Variants in N4BP2 observed in about 807,000 individuals in gnomAD.
The protein encoded by N4BP2 is NEDD4 binding protein 2.
A neutral mutation model predicts 152.8 loss-of-function variants in N4BP2; 91 were observed. That is an observed-to-expected ratio of 0.60 (90% CI 0.50 to 0.71). The LOEUF (loss-of-function observed/expected upper bound fraction) is 0.71. Among genes scored for constraint, N4BP2 ranks in the 30% least tolerant of loss-of-function variants. N4BP2 has a pLI of 0.00. For missense variants in N4BP2, 1,923 were observed against 2,059.1 expected, an observed-to-expected ratio of 0.93 and a Z score of 1.28; for synonymous variants, 646 against 705.3, an observed-to-expected ratio of 0.92 and a Z score of 1.33.
At chr4:40,122,373 T>A in intron 9 of N4BP2, 64 bp downstream of exon 9, 1 of 1,195,716 alleles carries the variant, frequency 8.4e-7, no homozygotes, top group Non-Finnish European at 1.1e-6. Context: ...GGGTTCTATT[T>A]TGTATTTTTT....
chr4:40,068,303 C>T (rs776565868), intron 1 of N4BP2, among the ~76,000 whole-genome samples: 3 of 152,144 alleles, frequency 2.0e-5, no homozygotes, highest in African/African-American at 7.2e-5. Context: ...TCCTTTGTGA[C>T]ACAGAATTCT....
At chr4:40,166,587 G>T in the N4BP2 span, 1 of 152,080 alleles carries the variant, frequency 6.6e-6, no homozygotes, top group Admixed American at 6.6e-5. Context: ...TACTTGGGAG[G>T]TTGAGGCAGG....
Position 40,122,183 on chromosome 4 carries a change from A to G in N4BP2, c.4072A>G (p.Thr1358Ala). 1 of 1,613,806 alleles carries G rather than the reference A, an allele frequency of 6.2e-7. No individual in the cohort carries two copies. Among genetic ancestry groups the G allele is most frequent in the Non-Finnish European group, 8.5e-7 (1 of 1,179,786 alleles). The stretch of plus-strand genomic sequence containing the variant: ...AGCTGGAGTTAGTGGGGAAGATAAA[A>G]CCGAGATATTGAATCCCACTCCAGC... Reference protein sequence around the residue: ...LSAGVSGEDKTEILNPTPAMA... With the variant: ...LSAGVSGEDKAEILNPTPAMA... The change falls in exon 9 of 18, where the codon ACC becomes GCC. Residue 1358 changes from threonine (T) to alanine (A), a missense_variant. Physicochemically the swap from Thr to Ala is moderately conservative, Grantham distance 58. Transcript: ENST00000261435.
Position 40,102,812 on chromosome 4 carries a change from G to T in N4BP2, c.967G>T (p.Gly323Trp), listed in dbSNP as rs1715820889. 1 of 1,614,128 alleles carries T rather than the reference G, an allele frequency of 6.2e-7. No homozygotes were observed. The highest frequency in any genetic ancestry group is 2.2e-5 in the East Asian group (1 of 44,890). The change falls in exon 4 of 18, where the codon GGG becomes TGG. Residue 323 changes from glycine (G) to tryptophan (W), a missense_variant. By Grantham distance (184) the Gly-to-Trp change is radical (BLOSUM62 -2). Coordinates refer to ENST00000261435, the MANE Select transcript of N4BP2 (RefSeq NM_018177.6). ...CTCTGATGTGTTTCTACCTTCCGAA[G>T]GGTTCAACTTCAAGCCACACAAACA... is the stretch of plus-strand genomic sequence containing the variant. ...RVSDVFLPSE[G>W]FNFKPHKHPE...
intron 2 of N4BP2, among the ~76,000 whole-genome samples, chr4:40,079,691 G>A (rs1219660104): frequency 1.3e-5 from 2 of 152,084 alleles, no homozygotes; most frequent in Non-Finnish European, 2.9e-5. Context: ...AGCCCTTGCT[G>A]CTTGGGAGGT....
At chr4:40,171,485 G>A in the N4BP2 span, among the ~76,000 whole-genome samples, 1 of 152,148 alleles carries the variant, frequency 6.6e-6, no homozygotes, top group Non-Finnish European at 1.5e-5. Flanking sequence ...CATCCCCTGT[G>A]ATGTGGCTGG....
At chr4:40,140,499 AAG>A (rs1456552816) in intron 14 of N4BP2, among the ~76,000 whole-genome samples, 25 of 152,324 alleles carry the variant, frequency 1.6e-4, no homozygotes, top group African/African-American at 5.8e-4. Context: ...TATAATCAGA[AAG>A]AGAGTTTTTG....
Position 40,138,159 on chromosome 4 carries a change from G to GC in N4BP2, c.4785+1077_4785+1078insC, listed in dbSNP as rs1277850723. Among the ~76,000 whole-genome samples, 13 of 152,162 alleles carry GC rather than the reference G, an allele frequency of 8.5e-5. No homozygotes were observed. In the East Asian group the frequency reaches 2.3e-3, roughly 27 times the overall value. On this transcript the variant is annotated intron_variant, in intron 14 of 17. Coordinates refer to ENST00000261435, the MANE Select transcript of N4BP2 (RefSeq NM_018177.6). The stretch of plus-strand genomic sequence containing the variant: ...TAATACAGAAATGGTGTCTTATTGT[G>GC]GTTTTGATTTGCATTTCCTTGATGA...
downstream of N4BP2, among the ~76,000 whole-genome samples, chr4:40,159,478 AT>A (rs1415189813): frequency 6.6e-6 from 1 of 152,120 alleles, no homozygotes; most frequent in Admixed American, 6.6e-5. Flanking sequence ...AATGGCCCTC[AT>A]TTTCCTAGGC....
chr4:40,138,259 T>G (rs1719588360), intron 14 of N4BP2, among the ~76,000 whole-genome samples: 1 of 152,228 alleles, frequency 6.6e-6, no homozygotes, highest in Non-Finnish European at 1.5e-5. Flanking sequence ...TTCATATCCT[T>G]TGTCTATTTT....
In N4BP2 at chr4:40,117,926, A is replaced by G; in HGVS notation, c.1722A>G (p.Gln574=). 6.2e-7 allele frequency: 1 copy of G among 1,612,904 alleles called. No individual in the cohort carries two copies. The highest frequency in any genetic ancestry group is 8.5e-7 in the Non-Finnish European group (1 of 1,179,438). ...TAACAAGAATGTTGGAACATTATCA[A>G]CGTTTTGTTTCAGTGCCAATAATTA... ...EKITRMLEHY[Q]RFVSVPIIMS... The change falls in exon 8 of 18, where the codon CAA becomes CAG. Residue 574 remains glutamine, a synonymous_variant. Coordinates refer to ENST00000261435, the MANE Select transcript of N4BP2 (RefSeq NM_018177.6).
At chr4:40,068,552 A>G (rs1304471856) in intron 1 of N4BP2, among the ~76,000 whole-genome samples, 1 of 152,082 alleles carries the variant, frequency 6.6e-6, no homozygotes, top group Non-Finnish European at 1.5e-5. Flanking sequence ...TTTTTCCTAT[A>G]TCATTTGTTG....
Position 40,121,254 on chromosome 4 carries a change from G to T in N4BP2, c.3143G>T (p.Gly1048Val), listed in dbSNP as rs746046604. The part of the protein sequence containing the change: ...SIKVLTGRLD[G>V]FKPKVFNINT... ...AAAGTATTAACAGGAAGATTAGATG[G>T]ATTTAAGCCGAAAGTTTTCAATATT... Residue 1048 changes from glycine (G) to valine (V), a missense_variant, in exon 9 of 18, where the codon GGA becomes GTA. Coordinates refer to ENST00000261435, the MANE Select transcript of N4BP2 (RefSeq NM_018177.6). 6.2e-7 allele frequency: 1 copy of T among 1,613,388 alleles called. No individual in the cohort carries two copies. The highest frequency in any genetic ancestry group is 8.5e-7 in the Non-Finnish European group (1 of 1,179,824).
intron 2 of N4BP2, among the ~76,000 whole-genome samples, chr4:40,092,008 TTA>T (rs1221314746): frequency 0.14 from 3,883 of 27,158 alleles, 454 homozygotes; most frequent in Non-Finnish European, 0.17. Flanking sequence ...AAAAAAAAAA[TTA>T]TATATATATA....
intron 15 of N4BP2, among the ~76,000 whole-genome samples, chr4:40,143,608 T>C (rs1029941259): frequency 6.6e-6 from 1 of 152,202 alleles, no homozygotes; most frequent in Non-Finnish European, 1.5e-5. Flanking sequence ...GCCAGGAATC[T>C]GCTTAACTTT....
intron 15 of N4BP2, 108 bp from the exon 16 acceptor site, chr4:40,144,524 T>C: frequency 1.1e-6 from 1 of 869,980 alleles, no homozygotes; most frequent in Non-Finnish European, 1.8e-6. Context: ...GATTTTAGGT[T>C]TATTATTCCC....
the N4BP2 span, among the ~76,000 whole-genome samples, chr4:40,187,599 C>T: frequency 2.1e-4 from 32 of 152,196 alleles, no homozygotes; most frequent in Admixed American, 1.0e-3. Flanking sequence ...GGATTACAAG[C>T]GTGAGCCACT....
Position 40,154,310 on chromosome 4 carries a change from A to G in N4BP2, c.*73A>G, listed in dbSNP as rs1055785280. The G allele has an allele frequency of 3.0e-5, 27 of 901,184 alleles. No homozygotes were observed. Among genetic ancestry groups the G allele is most frequent in the Non-Finnish European group, 4.3e-5 (25 of 577,960 alleles). 55.8% of individuals were successfully genotyped at this position (901,184 alleles called of 1,614,324 possible). On this transcript the variant is annotated 3_prime_UTR_variant, in exon 18 of 18. Coordinates refer to ENST00000261435, the MANE Select transcript of N4BP2 (RefSeq NM_018177.6). ...ACTTTTATTTGCAGTAATTCAGTCA[A>G]TTCTACCCTAAAGATGTGTTTTATT...
In N4BP2 at chr4:40,121,247, T is replaced by A. The variant is rs1319068693; in HGVS notation, c.3136T>A (p.Leu1046Ile). The A allele has an allele frequency of 6.2e-7, 1 of 1,613,334 alleles. No individual in the cohort carries two copies. Among genetic ancestry groups the A allele is most frequent in the Admixed American group, 1.7e-5 (1 of 59,750 alleles). Reference sequence around the variant, plus strand: ...TTCTATCAAAGTATTAACAGGAAGATTAGATGGATTTAAGCCGAAAGTTTT... The same window carrying A: ...TTCTATCAAAGTATTAACAGGAAGAATAGATGGATTTAAGCCGAAAGTTTT... ...SDSIKVLTGR[L>I]DGFKPKVFNI... Residue 1046 changes from leucine (L) to isoleucine (I), a missense_variant, in exon 9 of 18, where the codon TTA becomes ATA. Physicochemically the swap from Leu to Ile is conservative, Grantham distance 5 (BLOSUM62 2). Coordinates refer to ENST00000261435, the MANE Select transcript of N4BP2 (RefSeq NM_018177.6).
Sources: allele counts gnomAD v4.1 joint callset (sites outside exome capture counted in the v4.1 genomes callset), GRCh38; gene constraint gnomAD v4.1.1; transcripts MANE v1.5; gene names NCBI Gene and HGNC (gene_info 2026-07-23, HGNC 2026-07-21).